VSIG10L: variants seen among roughly 807,000 people sequenced by gnomAD.
VSIG10L encodes the protein V-set and immunoglobulin domain-containing protein 10-like.
In VSIG10L, 63 loss-of-function variants were observed where a neutral mutation model predicts 67.3. The ratio of observed to expected loss-of-function variants is 0.94; its 90% CI spans 0.76 to 1.15. VSIG10L has a LOEUF of 1.15. Among genes scored for constraint, VSIG10L ranks in the 50% most tolerant of loss-of-function variants. VSIG10L has a pLI of 0.00. For missense variants in VSIG10L, 1,050 were observed against 1,177.5 expected, an observed-to-expected ratio of 0.89 and a Z score of 1.58; for synonymous variants, 499 against 524.9, an observed-to-expected ratio of 0.95 and a Z score of 0.67.
intron 7 of VSIG10L, among the ~76,000 whole-genome samples, chr19:51,336,838 C>T (rs906624482): frequency 7.6e-5 from 11 of 144,232 alleles, no homozygotes; most frequent in African/African-American, 2.8e-4. Context: ...CTGATCTCGG[C>T]TCACTGCAAG....
chr19:51,341,396 C>G lies in VSIG10L; in HGVS notation c.652G>C (p.Gly218Arg). 6.5e-7 allele frequency: 1 copy of G among 1,535,296 alleles called. No homozygotes were observed. The stretch of plus-strand genomic sequence containing the variant: ...CAGACCACCAGAGAGGTGGGGGGCC[C>G]AGGGTTGGGGATTGGGACTAGGGGG... The part of the protein sequence containing the change: ...RLPLVPIPNP[G>R]PPTSLVVWRR... Residue 218 changes from glycine to arginine, a missense_variant, in exon 2 of 10, where the codon GGG becomes CGG. Gly to Arg is a moderately radical substitution (Grantham distance 125). This residue lies in a region of VSIG10L where 511 missense variants were observed against 557.9 expected (regional missense o/e 0.92). Transcript: ENST00000335624.
In VSIG10L at chr19:51,332,586, G is replaced by A. The variant is rs1985384434; in HGVS notation, c.*25C>T. ...TGGCTCTGATCACACCTGTGTGGCT[G>A]CGCGAACAGTCTTTGAGCCTCCGCC... On this transcript the variant is annotated 3_prime_UTR_variant, in exon 10 of 10. Transcript: ENST00000335624. 4.5e-6 allele frequency: 7 copies of A among 1,551,484 alleles called. No individual in the cohort carries two copies. Among genetic ancestry groups the A allele is most frequent in the Non-Finnish European group, 6.1e-6 (7 of 1,146,886 alleles).
rs772424926 is a variant in VSIG10L, at chr19:51,337,518, C to G, written c.2025G>C (p.Ser675=). Reference sequence around the variant, plus strand: ...CATCTCTGGCTCTCTGAAGCCTCCACGAGGATATGGAGGGTCCTAGAGGGA... The same window carrying G: ...CATCTCTGGCTCTCTGAAGCCTCCAGGAGGATATGGAGGGTCCTAGAGGGA... The part of the protein sequence containing the change: ...QITLIGPSIS[S]WRLQRARDAA... Residue 675 remains serine (S), a synonymous_variant, in exon 7 of 10, where the codon TCG becomes TCC. Coordinates refer to ENST00000335624, the MANE Select transcript of VSIG10L (RefSeq NM_001163922.3). 75 of 1,539,794 alleles carry G rather than the reference C, an allele frequency of 4.9e-5. No individual in the cohort carries two copies. In the African/African-American group the frequency reaches 9.7e-4, roughly 20 times the overall value.
Position 51,340,463 on chromosome 19 carries a change from T to A in VSIG10L, c.1159A>T (p.Arg387Trp), listed in dbSNP as rs1344021612. The change falls in exon 3 of 10, where the codon AGG becomes TGG. Residue 387 changes from arginine (R) to tryptophan (W), a missense_variant. Arg to Trp is a moderately radical substitution (Grantham distance 101). Transcript: ENST00000335624. The surrounding 1 kb of genome is among the most constrained non-coding windows in gnomAD (Gnocchi z 6.3). ...ACGCTGACGTCGGCGGCAGCCTCCC[T>A]GTGGCCGAAGGGGCTGCGGACGCGG... ...TCRVRSPFGH[R>W]EAAADVSVFY... 1.3e-6 allele frequency: 2 copies of A among 1,503,148 alleles called. No individual in the cohort carries two copies. Among genetic ancestry groups the A allele is most frequent in the Non-Finnish European group, 1.8e-6 (2 of 1,125,560 alleles). 93.1% of individuals were successfully genotyped at this position (1,503,148 alleles called of 1,614,324 possible). A position where few individuals can be genotyped will look rare whatever the true frequency, so the allele number is the denominator to read the frequency against.
In VSIG10L at chr19:51,340,577, C is replaced by G. The variant is rs772288868; in HGVS notation, c.1045G>C (p.Glu349Gln). The G allele has an allele frequency of 7.2e-6, 11 of 1,535,456 alleles. No homozygotes were observed. The South Asian group carries it at 1.2e-4, about 17-fold the overall frequency. Residue 349 changes from glutamate to glutamine, a missense_variant, in exon 3 of 10, where the codon GAG becomes CAG. Physicochemically the swap from Glu to Gln is conservative, Grantham distance 29. Around this residue, in one of 3 missense-constraint regions of VSIG10L, gnomAD observed 511 missense variants for 557.9 expected, o/e 0.92. Coordinates refer to ENST00000335624, the MANE Select transcript of VSIG10L (RefSeq NM_001163922.3). The surrounding 1 kb of genome is among the most constrained non-coding windows in gnomAD (Gnocchi z 6.3). Reference protein sequence around the residue: ...DGRALEAAESEGAETPRMRSE... With the variant: ...DGRALEAAESQGAETPRMRSE... ...CGCATCCGGGGCGTCTCGGCTCCCT[C>G]CGATTCCGCCGCCTCCAGGGCGCGT...
Position 51,340,063 on chromosome 19 carries a change from G to A in VSIG10L, c.1426C>T (p.Pro476Ser). The A allele has an allele frequency of 1.4e-6, 2 of 1,435,986 alleles. No individual in the cohort carries two copies. The highest frequency in any genetic ancestry group is 2.7e-5 in the South Asian group (2 of 73,454). 89.0% of individuals were successfully genotyped at this position (1,435,986 alleles called of 1,614,324 possible). ...GAGCGGCGGCGGCGGCCGGTACGCG[G>A]GTTCGCCGCCAGGCAGGCGTAGGTG... is the stretch of plus-strand genomic sequence containing the variant. ...AGTYACLAANPRTGRRRRSLL... is the reference protein window; with the variant it reads ...AGTYACLAANSRTGRRRRSLL... The change falls in exon 4 of 10, where the codon CCG (proline) becomes TCG (serine). Residue 476 changes from proline (P) to serine (S), a missense_variant. Pro to Ser is a moderately conservative substitution (Grantham distance 74, BLOSUM62 -1). Coordinates refer to ENST00000335624, the MANE Select transcript of VSIG10L (RefSeq NM_001163922.3). The surrounding 1 kb of genome is among the most constrained non-coding windows in gnomAD (Gnocchi z 6.3).
At chr19:51,338,724 A>G (rs1985549575) in intron 5 of VSIG10L, among the ~76,000 whole-genome samples, 164 bp downstream of exon 5, 1 of 152,134 alleles carries the variant, frequency 6.6e-6, no homozygotes, top group Non-Finnish European at 1.5e-5. Flanking sequence ...CGCCACCATG[A>G]GGTATAGGAA....
Position 51,341,924 on chromosome 19 carries a change from TTGAGTC to T in VSIG10L, c.118_123del (p.Asp40_Ser41del). ...ACACCCAGCCCCTGGGAAGAGCTCT[TTGAGTC>T]TGAAGAGAAGGCAGAGGAGAAGTTG... On this transcript the variant is annotated inframe_deletion, in exon 2 of 10. Transcript: ENST00000335624. 6.4e-7 allele frequency: 1 copy of T among 1,551,548 alleles called. No homozygotes were observed. Among genetic ancestry groups the T allele is most frequent in the South Asian group, 1.2e-5 (1 of 84,042 alleles).
intron 5 of VSIG10L, 114 bp from the exon 6 acceptor site, chr19:51,338,322 C>G (rs551072962): frequency 8.3e-7 from 1 of 1,210,316 alleles, no homozygotes; most frequent in Non-Finnish European, 1.1e-6. Flanking sequence ...CTTTGGCCAC[C>G]TGAGAAAGAA....
chr19:51,333,955 A>C lies in VSIG10L; in HGVS notation c.2420-10T>G, dbSNP rs953238644. 1.3e-6 allele frequency: 2 copies of C among 1,550,968 alleles called. No homozygotes were observed. The highest frequency in any genetic ancestry group is 3.9e-5 in the Admixed American group (2 of 50,892). On this transcript the variant is annotated splice_polypyrimidine_tract_variant and intron_variant, in intron 8 of 9. Coordinates refer to ENST00000335624, the MANE Select transcript of VSIG10L (RefSeq NM_001163922.3). ...TTCTCAGGAGTCTTTCCTGATTGAG[A>C]GGCAGAAGAGAAGCAGGAACACGTG... is the stretch of plus-strand genomic sequence containing the variant.
In VSIG10L at chr19:51,340,093, C is replaced by T. The variant is rs1206703149; in HGVS notation, c.1396G>A (p.Ala466Thr). ...LLLPAVGPGH[A>T]GTYACLAANP... Reference sequence around the variant, plus strand: ...GCCGCCAGGCAGGCGTAGGTGCCTGCGTGGCCCGGTCCGACCGCGGGCAGC... The same window carrying T: ...GCCGCCAGGCAGGCGTAGGTGCCTGTGTGGCCCGGTCCGACCGCGGGCAGC... Residue 466 changes from alanine to threonine, a missense_variant, in exon 4 of 10, where the codon GCA becomes ACA. This residue lies in a region of VSIG10L where 529 missense variants were observed against 584.9 expected (regional missense o/e 0.90). Transcript: ENST00000335624. The surrounding 1 kb of genome is among the most constrained non-coding windows in gnomAD (Gnocchi z 6.3). 4 of 1,371,892 alleles carry T rather than the reference C, an allele frequency of 2.9e-6. No homozygotes were observed. Among genetic ancestry groups the T allele is most frequent in the South Asian group, 3.3e-5 (2 of 59,912 alleles). The allele number at this position is 1,371,892 out of a possible 1,614,324, so 85.0% of individuals were successfully genotyped here.
Position 51,338,869 on chromosome 19 carries a change from A to T in VSIG10L, c.1729+19T>A. 7.3e-7 allele frequency: 1 copy of T among 1,361,148 alleles called. No homozygotes were observed. Among genetic ancestry groups the T allele is most frequent in the South Asian group, 1.8e-5 (1 of 56,730 alleles). The allele number at this position is 1,361,148 out of a possible 1,614,324, so 84.3% of individuals were successfully genotyped here. On this transcript the variant is annotated intron_variant, in intron 5 of 9. Transcript: ENST00000335624. ...CCCTCCTCCTCGAGAAACAGCAAAA[A>T]AGCCCCGCGCCCTCTCACCCGGCGT... is the stretch of plus-strand genomic sequence containing the variant.
In VSIG10L at chr19:51,342,020, G is replaced by A. The variant is rs1176136277; in HGVS notation, c.41-13C>T. The A allele has an allele frequency of 6.4e-7, 1 of 1,551,702 alleles. No individual in the cohort carries two copies. Among genetic ancestry groups the A allele is most frequent in the Admixed American group, 2.0e-5 (1 of 50,992 alleles). Reference sequence around the variant, plus strand: ...CCTACCAAGGAGGCTGCAGAGAAGAGAGGAAGGCATTGGGGGAGGCTGCTG... The same window carrying A: ...CCTACCAAGGAGGCTGCAGAGAAGAAAGGAAGGCATTGGGGGAGGCTGCTG... On this transcript the variant is annotated splice_polypyrimidine_tract_variant and intron_variant, in intron 1 of 9. Transcript: ENST00000335624. The surrounding 1 kb of genome is among the most constrained non-coding windows in gnomAD (Gnocchi z 4.4).
In VSIG10L at chr19:51,340,450, G is replaced by T. The variant is rs1389355767; in HGVS notation, c.1172C>A (p.Ala391Asp). ...CCACTCACAGAAGACGCTGACGTCGGCGGCAGCCTCCCTGTGGCCGAAGGG... is the reference window on the plus strand; with the variant it reads ...CCACTCACAGAAGACGCTGACGTCGTCGGCAGCCTCCCTGTGGCCGAAGGG... Reference protein sequence around the residue: ...RSPFGHREAAADVSVFYGPDP... With the variant: ...RSPFGHREAADDVSVFYGPDP... The change falls in exon 3 of 10, where the codon GCC (alanine) becomes GAC (aspartate). Residue 391 changes from alanine to aspartate, a missense_variant. Transcript: ENST00000335624. This position sits in a 1 kb window ranked among gnomAD's most constrained non-coding sequence, Gnocchi z 6.3. 1 of 1,491,166 alleles carries T rather than the reference G, an allele frequency of 6.7e-7. No individual in the cohort carries two copies. The highest frequency in any genetic ancestry group is 8.9e-7 in the Non-Finnish European group (1 of 1,118,934). The allele number at this position is 1,491,166 out of a possible 1,614,324, so 92.4% of individuals were successfully genotyped here.
At chr19:51,334,795 A>G (rs576310302) in intron 7 of VSIG10L, among the ~76,000 whole-genome samples, 1 of 151,590 alleles carries the variant, frequency 6.6e-6, no homozygotes, top group East Asian at 2.0e-4. Context: ...TAGAAAAACT[A>G]GCCAGGTGCG....
In VSIG10L at chr19:51,341,608, G is replaced by A. The variant is rs1171573871; in HGVS notation, c.440C>T (p.Thr147Ile). 6.4e-7 allele frequency: 1 copy of A among 1,551,754 alleles called. No individual in the cohort carries two copies. The highest frequency in any genetic ancestry group is 2.4e-5 in the East Asian group (1 of 40,930). The change falls in exon 2 of 10, where the codon ACT becomes ATT. Residue 147 changes from threonine (T) to isoleucine (I), a missense_variant. Physicochemically the swap from Thr to Ile is moderately conservative, Grantham distance 89. This residue lies in a region of VSIG10L where 511 missense variants were observed against 557.9 expected (regional missense o/e 0.92). Transcript: ENST00000335624. ...AGACAGTTTGGTATGGGAGACTTGA[G>A]TAGAAATGTTTGAAGCTGGGGTCTT... Reference protein sequence around the residue: ...TVKTPASNISTQVSHTKLSVE... With the variant: ...TVKTPASNISIQVSHTKLSVE...
In VSIG10L at chr19:51,332,535, A is replaced by G; in HGVS notation, c.*76T>C. The G allele has an allele frequency of 6.5e-7, 1 of 1,527,620 alleles. No individual in the cohort carries two copies. The highest frequency in any genetic ancestry group is 8.9e-7 in the Non-Finnish European group (1 of 1,125,212). The allele number at this position is 1,527,620 out of a possible 1,614,324, so 94.6% of individuals were successfully genotyped here. A position where few individuals can be genotyped will look rare whatever the true frequency, so the allele number is the denominator to read the frequency against. On this transcript the variant is annotated 3_prime_UTR_variant, in exon 10 of 10. Transcript: ENST00000335624. Reference sequence around the variant, plus strand: ...GGAGTGAAATAGGAAGTTCTGGCCCAAAACGCCCTGTGCAGGGCAGACCAC... The same window carrying G: ...GGAGTGAAATAGGAAGTTCTGGCCCGAAACGCCCTGTGCAGGGCAGACCAC...
In VSIG10L at chr19:51,342,036, G is replaced by A. The variant is rs1985654837; in HGVS notation, c.41-29C>T. On this transcript the variant is annotated intron_variant, in intron 1 of 9. Coordinates refer to ENST00000335624, the MANE Select transcript of VSIG10L (RefSeq NM_001163922.3). This position sits in a 1 kb window ranked among gnomAD's most constrained non-coding sequence, Gnocchi z 4.4. Reference sequence around the variant, plus strand: ...CAGAGAAGAGAGGAAGGCATTGGGGGAGGCTGCTGAGGGAGACTGACAGGG... The same window carrying A: ...CAGAGAAGAGAGGAAGGCATTGGGGAAGGCTGCTGAGGGAGACTGACAGGG... The A allele has an allele frequency of 2.6e-6, 4 of 1,551,754 alleles. No individual in the cohort carries two copies. Among genetic ancestry groups the A allele is most frequent in the Non-Finnish European group, 3.5e-6 (4 of 1,147,006 alleles).
intron 9 of VSIG10L, 73 bp from the exon 10 acceptor site, chr19:51,332,713 T>A (rs1985388179): frequency 7.2e-7 from 1 of 1,394,266 alleles, no homozygotes; most frequent in Non-Finnish European, 9.7e-7. Context: ...CCCGCCTAAC[T>A]TTTTCTAGCT....
Sources: gnomAD v4.1 joint callset for allele counts (sites outside exome capture counted in the v4.1 genomes callset) on GRCh38, gnomAD v4.1.1 for gene constraint, gnomAD v4.1.1 regional missense constraint, Gnocchi (gnomAD v3.1) non-coding constraint, MANE v1.5 for transcripts, NCBI Gene and HGNC (gene_info 2026-07-23, HGNC 2026-07-21) for gene names.